Variants in SLC38A8 observed in about 807,000 individuals in gnomAD.
SLC38A8 encodes the protein solute carrier family 38 member 8, also known as amino acid transporter SLC38A8.
SLC38A8 carries 65 observed loss-of-function variants against 46.0 expected under a neutral mutation model. The observed-to-expected ratio is 1.41, with a 90% CI of 1.16 to 1.74. SLC38A8 has a LOEUF of 1.74. SLC38A8 is among the 40% of genes most tolerant of loss of function. The pLI is 0.00. For missense variants in SLC38A8, 998 were observed against 567.9 expected (o/e 1.76, Z -7.70); for synonymous variants, 447 against 243.7 (o/e 1.83, Z -7.77).
At chr16:84,016,324 G>A (rs183687242) in intron 9 of SLC38A8, among the ~76,000 whole-genome samples, 195 bp downstream of exon 9, 15 of 152,304 alleles carry the variant, frequency 9.8e-5, no homozygotes, top group Admixed American at 4.6e-4. Context: ...CTAATGAGAT[G>A]TTTAATGAGT....
At position 84,021,176 on chromosome 16, in the gene SLC38A8, C is replaced by T. The variant is rs190963942; in HGVS notation, c.805+1599G>A. On this transcript the variant is annotated intron_variant, in intron 7 of 10. Coordinates refer to ENST00000299709, the MANE Select transcript of SLC38A8 (RefSeq NM_001080442.3). ...CTCCCAGGTTCAATTGATACTCCTG[C>T]CTCAACCTCCCAAGCAGCTGGGATT... 7.6e-4 allele frequency among the ~76,000 whole-genome samples: 115 copies of T among 152,290 alleles called. 1 individual carries two copies. The highest frequency in any genetic ancestry group is 1.5e-3 in the Non-Finnish European group (105 of 68,028).
chr16:84,015,708 T>A (rs1490529835), intron 9 of SLC38A8, among the ~76,000 whole-genome samples: 1 of 152,062 alleles, frequency 6.6e-6, no homozygotes, highest in Non-Finnish European at 1.5e-5. Context: ...GACTAGGTAA[T>A]GGTTTGTTTT....
chr16:84,015,792 G>A (rs968163004), intron 9 of SLC38A8, among the ~76,000 whole-genome samples: 1 of 152,124 alleles, frequency 6.6e-6, no homozygotes. Context: ...TGCAACCTCC[G>A]CCTCCCGGGT....
intron 7 of SLC38A8, among the ~76,000 whole-genome samples, chr16:84,022,350 C>T (rs1296515137): frequency 1.3e-5 from 2 of 152,226 alleles, no homozygotes; most frequent in Non-Finnish European, 2.9e-5. Flanking sequence ...TTTAAAGACC[C>T]TCTGCCTCCC....
chr16:84,030,592 G>A (rs1348686818), intron 5 of SLC38A8, among the ~76,000 whole-genome samples: 1 of 151,942 alleles, frequency 6.6e-6, no homozygotes, highest in Non-Finnish European at 1.5e-5. Flanking sequence ...CCAGGGACCC[G>A]CCCTGCTCAG....
intron 2 of SLC38A8, among the ~76,000 whole-genome samples, chr16:84,039,265 G>C (rs115004939): frequency 1.9e-3 from 295 of 152,286 alleles, no homozygotes; most frequent in African/African-American, 7.0e-3. Flanking sequence ...TAAGCCCTAC[G>C]TTTTGTGGTA....
intron 9 of SLC38A8, among the ~76,000 whole-genome samples, chr16:84,015,714 G>C (rs2085017326): frequency 6.6e-6 from 1 of 152,150 alleles, no homozygotes; most frequent in Admixed American, 6.5e-5. Context: ...GTAATGGTTT[G>C]TTTTGTTTGA....
chr16:84,032,121 G>A (rs1367879564), intron 4 of SLC38A8, among the ~76,000 whole-genome samples, 153 bp from the exon 5 acceptor site: 2 of 152,202 alleles, frequency 1.3e-5, no homozygotes, highest in Admixed American at 6.5e-5. Context: ...ATCTGTACAG[G>A]GGGCATGTGG....
At chr16:84,017,107 C>T (rs1339190999) in intron 8 of SLC38A8, 33 bp downstream of exon 8, 2 of 1,611,988 alleles carry the variant, frequency 1.2e-6, no homozygotes, top group Non-Finnish European at 8.5e-7. Flanking sequence ...GCAGACCATG[C>T]TTCACGGTGC....
chr16:84,040,061 C>T (rs80131485), intron 2 of SLC38A8: 8,650 of 152,312 alleles, frequency 0.057, 366 homozygotes, highest in Non-Finnish European at 0.087. Flanking sequence ...GGCACTAAAC[C>T]GCCAACCCTA....
chr16:84,018,702 T>C (rs1021428752), intron 7 of SLC38A8, among the ~76,000 whole-genome samples: 16 of 152,184 alleles, frequency 1.1e-4, no homozygotes, highest in Non-Finnish European at 1.9e-4. Context: ...ACGGATCTTA[T>C]TAATTTTCCT....
At chr16:84,013,653 C>A (rs1478717144) in intron 9 of SLC38A8, among the ~76,000 whole-genome samples, 2 of 151,486 alleles carry the variant, frequency 1.3e-5, no homozygotes, top group Admixed American at 6.6e-5. Context: ...ATGGTCTGGA[C>A]CTCTTGACCT....
Position 84,036,715 on chromosome 16 carries a change from G to T in SLC38A8, c.375C>A (p.Asp125Glu), listed in dbSNP as rs370877644. ...GAAGGTACTTACGCTTCTCCAGCTG[G>T]TCCCCGATCACCCTGAGGAAGGCCA... Reference protein sequence around the residue: ...ISVAFLRVIGDQLEKLCDSLL... With the variant: ...ISVAFLRVIGEQLEKLCDSLL... The change falls in exon 3 of 11, where the codon GAC (aspartate) becomes GAA (glutamate). Residue 125 changes from aspartate (D) to glutamate (E), a missense_variant. Physicochemically the swap from Asp to Glu is conservative, Grantham distance 45. Transcript: ENST00000299709. 1 of 1,614,050 alleles carries T rather than the reference G, an allele frequency of 6.2e-7. No homozygotes were observed. The highest frequency in any genetic ancestry group is 1.3e-5 in the African/African-American group (1 of 74,942).
chr16:84,019,419 C>G (rs1431446060), intron 7 of SLC38A8, among the ~76,000 whole-genome samples: 1 of 152,158 alleles, frequency 6.6e-6, no homozygotes, highest in East Asian at 1.9e-4. Flanking sequence ...ATTTGGCATA[C>G]TGGCAGATGG....
intron 6 of SLC38A8, among the ~76,000 whole-genome samples, chr16:84,024,156 C>T (rs2085131940): frequency 6.6e-6 from 1 of 152,136 alleles, no homozygotes; most frequent in South Asian, 2.1e-4. Context: ...GTCAAATGTT[C>T]CCTGGGGGTA....
chr16:84,042,146 CT>C lies in SLC38A8; in HGVS notation c.11del (p.Gln4ArgfsTer31), dbSNP rs747905946. 1.9e-6 allele frequency: 3 copies of C among 1,611,868 alleles called. No individual in the cohort carries two copies. In the East Asian group the frequency reaches 6.7e-5, roughly 36 times the overall value. MEG[Q>X]TPGSRGLPEK... is the part of the protein sequence containing the mutation. ...CTGGAAGGCCCCTGCTTCCTGGGGT[CT>C]GTCCCTCCATGGCTAGAGGCGGCAG... On this transcript the variant is annotated frameshift_variant, in exon 2 of 11. Coordinates refer to ENST00000299709, the MANE Select transcript of SLC38A8 (RefSeq NM_001080442.3). LOFTEE classifies it high-confidence loss of function.
chr16:84,012,504 G>T (rs556688125), intron 10 of SLC38A8, among the ~76,000 whole-genome samples: 1 of 152,170 alleles, frequency 6.6e-6, no homozygotes, highest in Non-Finnish European at 1.5e-5. Flanking sequence ...ACTAGCATCC[G>T]GGCCCGCCTC....
At chr16:84,037,384 G>A (rs1353122668) in intron 2 of SLC38A8, among the ~76,000 whole-genome samples, 21 of 144,850 alleles carry the variant, frequency 1.4e-4, no homozygotes, top group Admixed American at 7.7e-4. Flanking sequence ...GGGCGGCACC[G>A]CCCCCTTGCA....
intron 7 of SLC38A8, among the ~76,000 whole-genome samples, chr16:84,021,437 A>G (rs975352895): frequency 6.6e-6 from 1 of 152,212 alleles, no homozygotes; most frequent in African/African-American, 2.4e-5. Context: ...ATTATTTGCC[A>G]GCTTCTAACA....
Sources: gnomAD v4.1 joint callset for allele counts (sites outside exome capture counted in the v4.1 genomes callset) on GRCh38, gnomAD v4.1.1 for gene constraint, MANE v1.5 for transcripts, NCBI Gene and HGNC (gene_info 2026-07-23, HGNC 2026-07-21) for gene names.